The following PCCA variants were observed in gnomAD, a reference collection of about 807,000 sequenced individuals.
The protein encoded by PCCA is propionyl-CoA carboxylase alpha chain, mitochondrial.
PCCA carries 74 observed loss-of-function variants against 101.3 expected under a neutral mutation model. The observed-to-expected ratio is 0.73, with a 90% CI of 0.61 to 0.89. PCCA has a LOEUF of 0.89. Ranked by LOEUF, PCCA falls within the 40% of genes least tolerant of loss-of-function variation. The probability of loss-of-function intolerance (pLI) is 0.00; values close to 1 mark genes in which losing one functional copy is unlikely to be tolerated. For missense variants in PCCA, 891 were observed against 907.0 expected, an observed-to-expected ratio of 0.98 and a Z score of 0.23; for synonymous variants, 294 against 313.6, an observed-to-expected ratio of 0.94 and a Z score of 0.66.
At chr13:100,457,986 C>T (rs1347928103) in intron 21 of PCCA, among the ~76,000 whole-genome samples, 1 of 152,086 alleles carries the variant, frequency 6.6e-6, no homozygotes, top group East Asian at 1.9e-4. Flanking sequence ...ATTGCTAATG[C>T]GTAGCCCAGC....
At chr13:100,110,750 C>T (rs529130026) in intron 2 of PCCA, among the ~76,000 whole-genome samples, 1 of 152,200 alleles carries the variant, frequency 6.6e-6, no homozygotes, top group Non-Finnish European at 1.5e-5. Context: ...CTTAGAATTT[C>T]CCAGAATTTA....
rs35822001 is a variant in PCCA at position 100,341,957 on chromosome 13, G to GTATATATATATATATATATATATATA, written c.1643+1723_1643+1724insATATATATATATATATATATATATAT. Among the ~76,000 whole-genome samples the GTATATATATATATATATATATATATA allele has an allele frequency of 1.6e-3, 172 of 107,058 alleles. 2 individuals are homozygous for GTATATATATATATATATATATATATA. Among genetic ancestry groups the GTATATATATATATATATATATATATA allele is most frequent in the African/African-American group, 6.3e-3 (148 of 23,312 alleles). 70.2% of individuals were successfully genotyped at this position (107,058 alleles called of 152,430 possible). A position where few individuals can be genotyped will look rare whatever the true frequency, so the allele number is the denominator to read the frequency against. On this transcript the variant is annotated intron_variant, in intron 18 of 23. Transcript: ENST00000376285. ...TAATGTTTTGGTAGAACCCTTCAAA[G>GTATATATATATATATATATATATATA]TATATATATATATATATATATATAT... is the stretch of plus-strand genomic sequence containing the variant.
intron 19 of PCCA, among the ~76,000 whole-genome samples, chr13:100,372,657 CTG>C (rs1168458831): frequency 6.6e-6 from 1 of 152,146 alleles, no homozygotes; most frequent in Non-Finnish European, 1.5e-5. Flanking sequence ...AGTAACCACT[CTG>C]TCAGAGTACA....
intron 21 of PCCA, chr13:100,491,725 A>C: frequency 7.7e-7 from 1 of 1,300,308 alleles, no homozygotes; most frequent in Non-Finnish European, 1.0e-6. Context: ...GCTCAGCAGG[A>C]GGCCTGGGAT....
At position 100,257,635 on chromosome 13, in the gene PCCA, G is replaced by A. The variant is rs1424273856; in HGVS notation, c.678G>A (p.Gly226=). The A allele has an allele frequency of 6.2e-7, 1 of 1,613,766 alleles. No individual in the cohort carries two copies. The highest frequency in any genetic ancestry group is 1.7e-5 in the Admixed American group (1 of 59,974). ...VMIKASAGGG[G]KGMRIAWDDE... Reference sequence around the variant, plus strand: ...TCAAGGCCTCAGCAGGTGGTGGTGGGAAAGGCATGCGCATTGCTTGGGATG... The same window carrying A: ...TCAAGGCCTCAGCAGGTGGTGGTGGAAAAGGCATGCGCATTGCTTGGGATG... The change falls in exon 9 of 24, where the codon GGG becomes GGA. Residue 226 remains glycine (G), a synonymous_variant. Transcript: ENST00000376285.
intron 6 of PCCA, among the ~76,000 whole-genome samples, chr13:100,162,159 ATACTCT>A (rs2054553577): frequency 6.6e-6 from 1 of 151,902 alleles, no homozygotes; most frequent in Admixed American, 6.6e-5. Flanking sequence ...GTTTTGTAAG[ATACTCT>A]TAGTTGCTTA....
chr13:100,503,181 G>A (rs928935304), intron 21 of PCCA, among the ~76,000 whole-genome samples: 2 of 152,218 alleles, frequency 1.3e-5, no homozygotes, highest in Admixed American at 6.5e-5. Flanking sequence ...CAGGTACGAG[G>A]AAAAATAATT....
intron 10 of PCCA, among the ~76,000 whole-genome samples, chr13:100,265,038 T>C (rs1166993535): frequency 2.0e-5 from 3 of 152,214 alleles, no homozygotes; most frequent in Non-Finnish European, 4.4e-5. Flanking sequence ...TCAAATTAGA[T>C]TTTTAAAAAT....
intron 6 of PCCA, among the ~76,000 whole-genome samples, chr13:100,184,556 C>T (rs1034533237): frequency 6.6e-6 from 1 of 152,128 alleles, no homozygotes; most frequent in African/African-American, 2.4e-5. Flanking sequence ...GGCTTTTTTT[C>T]TGTAAAGGGC....
At chr13:100,484,118 A>G (rs2084172404) in intron 21 of PCCA, among the ~76,000 whole-genome samples, 1 of 152,220 alleles carries the variant, frequency 6.6e-6, no homozygotes. Flanking sequence ...TACTTCAAAG[A>G]ACCTCACTAC....
At chr13:100,217,937 G>C (rs976811736) in intron 7 of PCCA, among the ~76,000 whole-genome samples, 1 of 150,862 alleles carries the variant, frequency 6.6e-6, no homozygotes, top group African/African-American at 2.4e-5. Context: ...TAAGCTGGGC[G>C]TGGTGGCAGG....
intron 6 of PCCA, among the ~76,000 whole-genome samples, chr13:100,197,387 G>A (rs1389461162): frequency 6.6e-6 from 1 of 151,760 alleles, no homozygotes; most frequent in Non-Finnish European, 1.5e-5. Flanking sequence ...TAGAAACAGG[G>A]CCCCACTGTG....
At chr13:100,529,179 T>C (rs1291451761) in intron 23 of PCCA, among the ~76,000 whole-genome samples, 1 of 152,086 alleles carries the variant, frequency 6.6e-6, no homozygotes, top group African/African-American at 2.4e-5. Flanking sequence ...CAGGCCCTGG[T>C]TCCTACCTGC....
Position 100,449,239 on chromosome 13 carries a change from G to GT in PCCA, c.1846-10dup, listed in dbSNP as rs758330186. On this transcript the variant is annotated splice_polypyrimidine_tract_variant and intron_variant, in intron 20 of 23. Transcript: ENST00000376285. ...GATATGAGTTCATTTTATATCTCTT[G>GT]TTTGTTTTTTAGTGTCTTTCTCGAG... The GT allele has an allele frequency of 8.5e-6, 13 of 1,523,958 alleles. No homozygotes were observed. In the African/African-American group the frequency reaches 1.7e-4, roughly 19 times the overall value. 94.4% of individuals were successfully genotyped at this position (1,523,958 alleles called of 1,614,324 possible). A position where few individuals can be genotyped will look rare whatever the true frequency, so the allele number is the denominator to read the frequency against.
chr13:100,400,462 A>G (rs535095445), intron 19 of PCCA, among the ~76,000 whole-genome samples: 51 of 151,982 alleles, frequency 3.4e-4, no homozygotes, highest in Non-Finnish European at 6.9e-4. Flanking sequence ...GGAGTTTTCT[A>G]AAGACACTGC....
chr13:100,317,787 C>T (rs984764319), intron 16 of PCCA, among the ~76,000 whole-genome samples: 2 of 152,066 alleles, frequency 1.3e-5, no homozygotes, highest in African/African-American at 2.4e-5. Flanking sequence ...GGGATTTTGC[C>T]ATGTTGCCTA....
At chr13:100,422,401 G>A (rs2078892077) in intron 19 of PCCA, among the ~76,000 whole-genome samples, 2 of 151,986 alleles carry the variant, frequency 1.3e-5, no homozygotes. Context: ...GCCTCCCAAA[G>A]TGCTGGGCTT....
At chr13:100,092,285 A>C (rs1304747147) in intron 1 of PCCA, among the ~76,000 whole-genome samples, 2 of 152,214 alleles carry the variant, frequency 1.3e-5, no homozygotes, top group African/African-American at 4.8e-5. Context: ...CAGTAGAGGA[A>C]ACAAAGCTCA....
At chr13:100,461,689 C>T (rs750906231) in intron 21 of PCCA, among the ~76,000 whole-genome samples, 4 of 152,220 alleles carry the variant, frequency 2.6e-5, no homozygotes, top group Non-Finnish European at 5.9e-5. Flanking sequence ...TTCTTGCACA[C>T]GTGTGCTGTA....
Sources: gnomAD v4.1 joint callset for allele counts (sites outside exome capture counted in the v4.1 genomes callset) on GRCh38, gnomAD v4.1.1 for gene constraint, MANE v1.5 for transcripts, NCBI Gene and HGNC (gene_info 2026-07-23, HGNC 2026-07-21) for gene names.